Variants in ERC2 observed in about 807,000 individuals in gnomAD.
ERC2 encodes the protein ERC protein 2.
ERC2 carries 42 observed loss-of-function variants against 114.8 expected under a neutral mutation model. That is an observed-to-expected ratio of 0.37 (90% confidence interval 0.29 to 0.47). ERC2 has a LOEUF of 0.47. Ranked by LOEUF, ERC2 falls within the 20% of genes least tolerant of loss-of-function variation. The probability of loss-of-function intolerance (pLI) is 0.99; values close to 1 mark genes in which losing one functional copy is unlikely to be tolerated. For missense variants in ERC2, 939 were observed against 1,150.7 expected (o/e 0.82, Z 2.66); for synonymous variants, 454 against 425.5 (o/e 1.07, Z -0.82).
chr3:55,649,952 G>A (rs2060545781), intron 17 of ERC2, among the ~76,000 whole-genome samples: 1 of 152,178 alleles, frequency 6.6e-6, no homozygotes, highest in African/African-American at 2.4e-5. Context: ...GAGGCAGAGG[G>A]GCCGGCAGGG....
At chr3:55,517,881 G>A (rs759053092) in intron 17 of ERC2, among the ~76,000 whole-genome samples, 1 of 152,218 alleles carries the variant, frequency 6.6e-6, no homozygotes, top group Admixed American at 6.5e-5. Flanking sequence ...CATTGGTTGA[G>A]TAGAAATGTA....
intron 3 of ERC2, among the ~76,000 whole-genome samples, chr3:56,212,769 A>C (rs1251968726): frequency 6.7e-6 from 1 of 148,550 alleles, no homozygotes; most frequent in African/African-American, 2.5e-5. Context: ...TGTGTGCACC[A>C]AAATATGGTA....
Position 56,223,635 on chromosome 3 carries a change from T to C in ERC2, c.1075-50115A>G, listed in dbSNP as rs180932453. Among the ~76,000 whole-genome samples, 3 of 152,188 alleles carry C rather than the reference T, an allele frequency of 2.0e-5. No individual in the cohort carries two copies. The East Asian group carries it at 5.8e-4, about 29-fold the overall frequency. On this transcript the variant is annotated intron_variant, in intron 3 of 17. Coordinates refer to ENST00000288221, the MANE Select transcript of ERC2 (RefSeq NM_015576.3). ...CAATGTATATAACTCTCCCCTTTTT[T>C]AAAATCCCTGCTTCTTGGCACCTAT... is the stretch of plus-strand genomic sequence containing the variant.
chr3:55,921,720 T>C (rs2065441710), intron 13 of ERC2, among the ~76,000 whole-genome samples: 1 of 152,130 alleles, frequency 6.6e-6, no homozygotes, highest in African/African-American at 2.4e-5. Flanking sequence ...TAAATATGAA[T>C]GTAGTCCATA....
chr3:56,072,350 T>C (rs2149733964), intron 7 of ERC2: 2 of 152,310 alleles, frequency 1.3e-5, no homozygotes, highest in Middle Eastern at 6.8e-3. Flanking sequence ...AGACACACTG[T>C]ATTAAAGGAT....
At chr3:56,452,313 A>G (rs1310402960) in intron 1 of ERC2, among the ~76,000 whole-genome samples, 2 of 152,340 alleles carry the variant, frequency 1.3e-5, no homozygotes, top group East Asian at 3.9e-4. Flanking sequence ...ACAGAAGTTG[A>G]CTATGATGAA....
At chr3:55,781,010 A>G (rs2068993864) in intron 14 of ERC2, among the ~76,000 whole-genome samples, 1 of 152,252 alleles carries the variant, frequency 6.6e-6, no homozygotes, top group Non-Finnish European at 1.5e-5. Flanking sequence ...GCTATCAGTG[A>G]CATCCGGGGC....
intron 13 of ERC2, among the ~76,000 whole-genome samples, chr3:55,920,009 A>T (rs1312072398): frequency 6.6e-6 from 1 of 152,172 alleles, no homozygotes; most frequent in Non-Finnish European, 1.5e-5. Flanking sequence ...TTATCTGTGA[A>T]TTCATAACAT....
chr3:55,825,253 T>C, intron 14 of ERC2, among the ~76,000 whole-genome samples: 1 of 152,312 alleles, frequency 6.6e-6, no homozygotes, highest in East Asian at 1.9e-4. Flanking sequence ...AAAATACTCC[T>C]CCTCCATTTT....
At chr3:56,122,936 G>A (rs2079660595) in intron 6 of ERC2, among the ~76,000 whole-genome samples, 1 of 151,850 alleles carries the variant, frequency 6.6e-6, no homozygotes, top group Non-Finnish European at 1.5e-5. Flanking sequence ...GCTACTTTAT[G>A]GGCTTTAAGT....
At chr3:56,107,860 A>T (rs2078754520) in intron 6 of ERC2, among the ~76,000 whole-genome samples, 1 of 152,204 alleles carries the variant, frequency 6.6e-6, no homozygotes, top group African/African-American at 2.4e-5. Flanking sequence ...TTTCAAGAAC[A>T]AATGTTTTCC....
At chr3:55,950,197 G>T (rs1009003710) in intron 13 of ERC2, among the ~76,000 whole-genome samples, 2 of 152,196 alleles carry the variant, frequency 1.3e-5, no homozygotes, top group African/African-American at 2.4e-5. Context: ...GGAACCAAAA[G>T]ACTCTGCCTT....
chr3:56,090,444 A>C (rs914795370), intron 6 of ERC2, among the ~76,000 whole-genome samples: 2 of 152,178 alleles, frequency 1.3e-5, no homozygotes, highest in African/African-American at 2.4e-5. Context: ...TTAACAAGAC[A>C]GTCAGGTTTG....
At chr3:55,891,803 G>A (rs1241186200) in intron 13 of ERC2, among the ~76,000 whole-genome samples, 2 of 152,120 alleles carry the variant, frequency 1.3e-5, no homozygotes, top group African/African-American at 4.8e-5. Flanking sequence ...TCAACCAGAG[G>A]AAAGTGCTTG....
chr3:56,461,434 C>T (rs1003482998), intron 1 of ERC2, among the ~76,000 whole-genome samples: 6 of 152,182 alleles, frequency 3.9e-5, no homozygotes, highest in Non-Finnish European at 8.8e-5. Flanking sequence ...AGGGCTCCAT[C>T]TCAACACACA....
chr3:56,015,164 T>A (rs921677225), intron 8 of ERC2, among the ~76,000 whole-genome samples: 16 of 152,176 alleles, frequency 1.1e-4, no homozygotes, highest in African/African-American at 3.4e-4. Context: ...TGTCAAAATG[T>A]ACATTCTTTA....
chr3:56,119,355 G>A (rs2079442299), intron 6 of ERC2, among the ~76,000 whole-genome samples: 1 of 152,114 alleles, frequency 6.6e-6, no homozygotes, highest in African/African-American at 2.4e-5. Flanking sequence ...AATTGACTTG[G>A]GTTCAGATTA....
intron 7 of ERC2, among the ~76,000 whole-genome samples, chr3:56,024,122 T>C (rs1471115442): frequency 6.6e-6 from 1 of 152,224 alleles, no homozygotes; most frequent in Non-Finnish European, 1.5e-5. Flanking sequence ...GTTAATGTTA[T>C]TAGCTAAAGC....
intron 7 of ERC2, among the ~76,000 whole-genome samples, chr3:56,070,547 G>C (rs989581184): frequency 1.1e-4 from 16 of 151,958 alleles, no homozygotes; most frequent in African/African-American, 3.9e-4. Context: ...TTATTTAAAA[G>C]AGAATTTGCC....
Sources: allele counts gnomAD v4.1 joint callset (sites outside exome capture counted in the v4.1 genomes callset), GRCh38; gene constraint gnomAD v4.1.1; transcripts MANE v1.5; gene names NCBI Gene and HGNC (gene_info 2026-07-23, HGNC 2026-07-21).